Variants in PTPRD observed in about 807,000 individuals in gnomAD.
PTPRD encodes protein tyrosine phosphatase receptor type D, also known as receptor-type tyrosine-protein phosphatase delta.
PTPRD carries 34 observed loss-of-function variants against 214.5 expected under a neutral mutation model. The ratio of observed to expected loss-of-function variants is 0.16; its 90% CI spans 0.12 to 0.21. The LOEUF (loss-of-function observed/expected upper bound fraction) is 0.21. Ranked by LOEUF, PTPRD falls within the 10% of genes least tolerant of loss-of-function variation. PTPRD has a pLI of 1.00. For synonymous variants in PTPRD, 1,128 were observed against 845.7 expected, an observed-to-expected ratio of 1.33 and a Z score of -5.79; for missense variants, 2,545 against 2,398.7, an observed-to-expected ratio of 1.06 and a Z score of -1.27.
chr9:8,827,627 G>GT (rs2097202763), intron 11 of PTPRD, among the ~76,000 whole-genome samples: 1 of 152,152 alleles, frequency 6.6e-6, no homozygotes, highest in South Asian at 2.1e-4. Context: ...AAAAAATTAG[G>GT]TTTTTGCCAC....
At position 9,175,153 on chromosome 9, in the gene PTPRD, C is replaced by T. The variant is rs927988814; in HGVS notation, c.-143+8151G>A. On this transcript the variant is annotated intron_variant, in intron 10 of 45. Coordinates refer to ENST00000381196, the MANE Select transcript of PTPRD (RefSeq NM_002839.4). Reference sequence around the variant, plus strand: ...AAAAAATAAATTGCTGTTTATATGCCACCCAGTCTAAGGTAATTTCTTATA... The same window carrying T: ...AAAAAATAAATTGCTGTTTATATGCTACCCAGTCTAAGGTAATTTCTTATA... Among the ~76,000 whole-genome samples, 4 of 152,046 alleles carry T rather than the reference C, an allele frequency of 2.6e-5. No individual in the cohort carries two copies. In the South Asian group the frequency reaches 8.3e-4, roughly 31 times the overall value.
chr9:10,360,881 T>C (rs1404535799), intron 2 of PTPRD, among the ~76,000 whole-genome samples: 1 of 152,118 alleles, frequency 6.6e-6, no homozygotes, highest in Non-Finnish European at 1.5e-5. Context: ...GACGGGCAGA[T>C]CGCGAGGTCA....
intron 2 of PTPRD, among the ~76,000 whole-genome samples, chr9:10,416,494 G>C (rs935054964): frequency 6.6e-6 from 1 of 151,678 alleles, no homozygotes; most frequent in African/African-American, 2.4e-5. Context: ...AAAAGAAATA[G>C]GAAGAAAAAG....
rs878939158 is a variant in PTPRD at position 9,061,873 on chromosome 9, T to C, written c.-142-43138A>G. On this transcript the variant is annotated intron_variant, in intron 10 of 45. Coordinates refer to ENST00000381196, the MANE Select transcript of PTPRD (RefSeq NM_002839.4). ...GTTGCTCCCAGTTGTCAAACTCAAA[T>C]AATCCCCTTCAAACAGAATCCCTGG... 5.9e-5 allele frequency among the ~76,000 whole-genome samples: 9 copies of C among 152,158 alleles called. 1 individual carries two copies. The highest frequency in any genetic ancestry group is 5.9e-4 in the Admixed American group (9 of 15,272).
In PTPRD at chr9:8,698,625, G is replaced by A. The variant is rs143593934; in HGVS notation, c.64+35155C>T. On this transcript the variant is annotated intron_variant, in intron 12 of 45. Transcript: ENST00000381196. ...TTTTATCTTTAAACTCAGGAAGGCTGTATGACCACAGGTTCAAAATGCATC... is the reference window on the plus strand; with the variant it reads ...TTTTATCTTTAAACTCAGGAAGGCTATATGACCACAGGTTCAAAATGCATC... Among the ~76,000 whole-genome samples, 132 of 152,282 alleles carry A rather than the reference G, an allele frequency of 8.7e-4. 4 individuals are homozygous for A. In the East Asian group the frequency reaches 0.018, roughly 21 times the overall value.
At chr9:9,550,149 G>T (rs111860472) in intron 8 of PTPRD, among the ~76,000 whole-genome samples, 2,394 of 151,908 alleles carry the variant, frequency 0.016, 53 homozygotes, top group African/African-American at 0.055. Flanking sequence ...GGCCTTAAGA[G>T]AAAAGACTTA....
At chr9:8,400,604 T>G (rs561884062) in intron 36 of PTPRD, among the ~76,000 whole-genome samples, 17 of 152,312 alleles carry the variant, frequency 1.1e-4, no homozygotes, top group African/African-American at 3.8e-4. Context: ...CCATGCTAAG[T>G]GACTTCAGAC....
chr9:9,335,118 A>G (rs951921620), intron 9 of PTPRD, among the ~76,000 whole-genome samples: 19 of 152,152 alleles, frequency 1.2e-4, no homozygotes, highest in Non-Finnish European at 2.7e-4. Context: ...AATTACATCA[A>G]CTGAAAATTT....
intron 8 of PTPRD, among the ~76,000 whole-genome samples, chr9:9,512,431 C>T (rs2096732024): frequency 6.6e-6 from 1 of 151,772 alleles, no homozygotes; most frequent in Non-Finnish European, 1.5e-5. Flanking sequence ...GTTATCTTCA[C>T]ATAAAGTAAC....
intron 4 of PTPRD, among the ~76,000 whole-genome samples, chr9:9,975,513 T>A (rs1469936059): frequency 6.6e-6 from 1 of 152,254 alleles, no homozygotes; most frequent in Non-Finnish European, 1.5e-5. Flanking sequence ...CAGCACTACA[T>A]CACCTGGAAC....
chr9:9,264,231 G>A (rs1205441393), intron 9 of PTPRD, among the ~76,000 whole-genome samples: 1 of 151,574 alleles, frequency 6.6e-6, no homozygotes, highest in Non-Finnish European at 1.5e-5. Flanking sequence ...TCTATGAACT[G>A]CTCAACAATT....
At chr9:10,279,786 C>T (rs1370684737) in intron 3 of PTPRD, among the ~76,000 whole-genome samples, 3 of 151,778 alleles carry the variant, frequency 2.0e-5, no homozygotes, top group African/African-American at 2.4e-5. Context: ...ATCTAAGTGG[C>T]GTAGTCACTA....
At chr9:10,601,546 T>G (rs2077983847) in intron 2 of PTPRD, among the ~76,000 whole-genome samples, 1 of 151,836 alleles carries the variant, frequency 6.6e-6, no homozygotes, top group African/African-American at 2.4e-5. Flanking sequence ...ATTTTCAAAT[T>G]ATATTGCATA....
intron 8 of PTPRD, among the ~76,000 whole-genome samples, chr9:9,479,521 C>A (rs1006475104): frequency 6.6e-6 from 1 of 152,078 alleles, no homozygotes; most frequent in African/African-American, 2.4e-5. Context: ...GGCAGTATTT[C>A]TATGCCAATT....
At chr9:10,130,571 G>C (rs1256675171) in intron 3 of PTPRD, among the ~76,000 whole-genome samples, 1 of 152,080 alleles carries the variant, frequency 6.6e-6, no homozygotes, top group Non-Finnish European at 1.5e-5. Flanking sequence ...AATATTGGCA[G>C]AACTGAACTG....
intron 9 of PTPRD, among the ~76,000 whole-genome samples, chr9:9,187,066 A>T (rs1005853464): frequency 2.6e-5 from 4 of 152,062 alleles, no homozygotes; most frequent in South Asian, 4.1e-4. Context: ...TTTATTTTAC[A>T]TAATATATTG....
At chr9:9,928,702 A>G (rs987306786) in intron 5 of PTPRD, among the ~76,000 whole-genome samples, 1 of 151,826 alleles carries the variant, frequency 6.6e-6, no homozygotes. Context: ...GTGAAAGAAA[A>G]TAAAGAACAA....
chr9:9,242,088 T>C (rs1324649493), intron 9 of PTPRD, among the ~76,000 whole-genome samples: 1 of 152,064 alleles, frequency 6.6e-6, no homozygotes, highest in East Asian at 1.9e-4. Context: ...GGATTTTATT[T>C]CTCCTTCACT....
intron 12 of PTPRD, among the ~76,000 whole-genome samples, chr9:8,639,066 C>A (rs973584103): frequency 6.6e-6 from 1 of 152,142 alleles, no homozygotes; most frequent in Non-Finnish European, 1.5e-5. Context: ...TGGTCTCGAT[C>A]TCGTCACCTC....
Sources: gnomAD v4.1 joint callset for allele counts (sites outside exome capture counted in the v4.1 genomes callset) on GRCh38, gnomAD v4.1.1 for gene constraint, MANE v1.5 for transcripts, NCBI Gene and HGNC (gene_info 2026-07-23, HGNC 2026-07-21) for gene names.